EXOSC1: variants seen among roughly 807,000 people sequenced by gnomAD.
EXOSC1 encodes exosome component 1, also known as exosome complex component CSL4.
Under a neutral mutation model 31.4 loss-of-function variants are expected in EXOSC1, and 27 were observed. The ratio of observed to expected loss-of-function variants is 0.86; its 90% CI spans 0.63 to 1.18. The LOEUF (loss-of-function observed/expected upper bound fraction) is 1.18, where lower values mean the gene tolerates loss of function less well. EXOSC1 is among the 50% of genes most tolerant of loss of function. EXOSC1 has a pLI of 0.00. For synonymous variants in EXOSC1, 84 were observed against 89.5 expected (o/e 0.94, Z 0.35); for missense variants, 228 against 250.3 (o/e 0.91, Z 0.60).
chr10:97,440,019 C>T (rs1845666212), intron 4 of EXOSC1, among the ~76,000 whole-genome samples: 1 of 147,354 alleles, frequency 6.8e-6, no homozygotes, highest in African/African-American at 2.5e-5. Flanking sequence ...GTTGCCCAGG[C>T]TGGAGTACAA....
chr10:97,437,356 T>C (rs905245208), intron 6 of EXOSC1, 81 bp from the exon 7 acceptor site: 7 of 596,342 alleles, frequency 1.2e-5, no homozygotes, highest in Admixed American at 3.4e-5. Flanking sequence ...TTTTTCTACC[T>C]TTTTTTTTTT....
intron 2 of EXOSC1, chr10:97,445,391 G>A: frequency 3.6e-6 from 1 of 277,160 alleles, no homozygotes; most frequent in South Asian, 7.9e-5. Context: ...TCAGTGAGGT[G>A]GAGATAGTGG....
intron 5 of EXOSC1, among the ~76,000 whole-genome samples, chr10:97,437,957 T>C (rs1465044035): frequency 1.3e-5 from 2 of 152,100 alleles, no homozygotes; most frequent in Non-Finnish European, 2.9e-5. Flanking sequence ...TCTCGCTCTG[T>C]CGCCCACACT....
At chr10:97,442,216 T>C (rs901200651) in intron 3 of EXOSC1, among the ~76,000 whole-genome samples, 4 of 152,012 alleles carry the variant, frequency 2.6e-5, no homozygotes, top group African/African-American at 9.7e-5. Context: ...ATAAAGTCTT[T>C]TGCTTCTCTG....
chr10:97,437,878 A>C, intron 5 of EXOSC1, 128 bp from the exon 6 acceptor site: 1 of 773,084 alleles, frequency 1.3e-6, no homozygotes, highest in Non-Finnish European at 2.1e-6. Flanking sequence ...ACTCATGTCA[A>C]GTCAAGAACT....
intron 1 of EXOSC1, 51 bp downstream of exon 1, chr10:97,445,904 C>T: frequency 6.2e-7 from 1 of 1,613,870 alleles, no homozygotes; most frequent in Non-Finnish European, 8.5e-7. Context: ...GCCGTTTAGC[C>T]TTCTTGCTTC....
intron 3 of EXOSC1, among the ~76,000 whole-genome samples, chr10:97,442,649 C>T (rs1467112465): frequency 6.6e-6 from 1 of 152,198 alleles, no homozygotes; most frequent in South Asian, 2.1e-4. Context: ...GTTGGGACCA[C>T]AAGCATGTGC....
chr10:97,440,596 G>A (rs1845685116), intron 4 of EXOSC1, among the ~76,000 whole-genome samples: 1 of 151,094 alleles, frequency 6.6e-6, no homozygotes, highest in African/African-American at 2.4e-5. Context: ...TTGGCTCACT[G>A]CAACCTCTGC....
chr10:97,444,596 C>T (rs1419237502), intron 2 of EXOSC1: 1 of 152,242 alleles, frequency 6.6e-6, no homozygotes, highest in Non-Finnish European at 1.5e-5. Context: ...CAATTTGTGT[C>T]TGTGTCCTTT....
Position 97,437,760 on chromosome 10 carries a change from A to C in EXOSC1, c.346-10T>G. The C allele has an allele frequency of 1.9e-6, 3 of 1,612,130 alleles. No individual in the cohort carries two copies. The highest frequency in any genetic ancestry group is 2.5e-6 in the Non-Finnish European group (3 of 1,178,460). ...TCTTATAAATTTCAACCTGTAAAGA[A>C]AGAACAGGAATGTTAAGTGAAAGCT... On this transcript the variant is annotated splice_polypyrimidine_tract_variant and intron_variant, in intron 5 of 7. Transcript: ENST00000370902.
chr10:97,437,652 T>C lies in EXOSC1; in HGVS notation c.396+48A>G, dbSNP rs201160878. ...CATGAGCCACCACACCCGGCCTCCT[T>C]CTCTTCTTTTGACAAAGGACCAGAA... is the stretch of plus-strand genomic sequence containing the variant. On this transcript the variant is annotated intron_variant, in intron 6 of 7. Coordinates refer to ENST00000370902, the MANE Select transcript of EXOSC1 (RefSeq NM_016046.5). The C allele has an allele frequency of 3.2e-4, 500 of 1,585,794 alleles. 3 individuals carry two copies. The African/African-American group carries it at 5.3e-3, about 17-fold the overall frequency.
At position 97,441,309 on chromosome 10, in the gene EXOSC1, CA is replaced by C; in HGVS notation, c.223-51del. The C allele has an allele frequency of 2.6e-6, 4 of 1,529,710 alleles. No homozygotes were observed. In the Middle Eastern group the frequency reaches 5.1e-4, roughly 194 times the overall value. The allele number at this position is 1,529,710 out of a possible 1,614,324, so 94.8% of individuals were successfully genotyped here. ...ATCAGAGTATAAGCAGTTGTCAGCT[CA>C]AGGAGGCAGCAATAAACTGGGGATT... is the stretch of plus-strand genomic sequence containing the variant. On this transcript the variant is annotated intron_variant, in intron 3 of 7. Coordinates refer to ENST00000370902, the MANE Select transcript of EXOSC1 (RefSeq NM_016046.5).
Position 97,436,269 on chromosome 10 carries a change from A to C in EXOSC1, c.*176T>G, listed in dbSNP as rs1589459435. 3.6e-6 allele frequency: 2 copies of C among 551,290 alleles called. No homozygotes were observed. Among genetic ancestry groups the C allele is most frequent in the South Asian group, 4.0e-5 (2 of 49,494 alleles). 34.1% of individuals were successfully genotyped at this position (551,290 alleles called of 1,614,324 possible). A position where few individuals can be genotyped will look rare whatever the true frequency, so the allele number is the denominator to read the frequency against. On this transcript the variant is annotated 3_prime_UTR_variant, in exon 8 of 8. Transcript: ENST00000370902. ...CTTGAAAAGATAAGATTTATTACTCAAGAGAATGAAATCCACTGATAGGTT... is the reference window on the plus strand; with the variant it reads ...CTTGAAAAGATAAGATTTATTACTCCAGAGAATGAAATCCACTGATAGGTT...
intron 3 of EXOSC1, among the ~76,000 whole-genome samples, 160 bp downstream of exon 3, chr10:97,443,077 G>A (rs542455744): frequency 4.7e-4 from 71 of 152,166 alleles, no homozygotes; most frequent in African/African-American, 1.6e-3. Flanking sequence ...CTCCTGCCTC[G>A]GCCTCTTAAA....
chr10:97,437,515 T>A (rs927378117), intron 6 of EXOSC1, among the ~76,000 whole-genome samples, 185 bp downstream of exon 6: 7 of 151,876 alleles, frequency 4.6e-5, no homozygotes, highest in African/African-American at 1.7e-4. Flanking sequence ...GCCCAGCTAA[T>A]TTTTGTATTT....
intron 7 of EXOSC1, 57 bp from the exon 8 acceptor site, chr10:97,436,608 T>C: frequency 6.7e-7 from 1 of 1,492,958 alleles, no homozygotes; most frequent in South Asian, 1.3e-5. Flanking sequence ...CTGCGACTCC[T>C]CTTTTATGCT....
chr10:97,440,935 A>T, intron 4 of EXOSC1: 1 of 337,748 alleles, frequency 3.0e-6, no homozygotes, highest in Non-Finnish European at 5.5e-6. Context: ...AACAGGCGTG[A>T]GCCACCGCGC....
chr10:97,444,888 A>T (rs1199212618), intron 2 of EXOSC1: 2 of 152,236 alleles, frequency 1.3e-5, no homozygotes, highest in African/African-American at 4.8e-5. Flanking sequence ...CTAGAAAGGT[A>T]GGTATTACTC....
intron 3 of EXOSC1, among the ~76,000 whole-genome samples, chr10:97,442,708 C>T (rs1439605191): frequency 2.0e-5 from 3 of 151,800 alleles, no homozygotes; most frequent in Non-Finnish European, 4.4e-5. Flanking sequence ...TTTTTTGAGA[C>T]GGAGTCTCAC....
Sources: gnomAD v4.1 joint callset for allele counts (sites outside exome capture counted in the v4.1 genomes callset) on GRCh38, gnomAD v4.1.1 for gene constraint, MANE v1.5 for transcripts, NCBI Gene and HGNC (gene_info 2026-07-23, HGNC 2026-07-21) for gene names.